The following NTM variants were observed in gnomAD, a reference collection of about 807,000 sequenced individuals.
NTM encodes the protein neurotrimin.
A neutral mutation model predicts 42.1 loss-of-function variants in NTM; 13 were observed. That is an observed-to-expected ratio of 0.31 (90% CI 0.20 to 0.49). NTM has a LOEUF of 0.49. Ranked by LOEUF, NTM falls within the 20% of genes least tolerant of loss-of-function variation. NTM has a pLI of 0.99. For missense variants in NTM, 373 were observed against 452.8 expected (o/e 0.82, Z 1.60); for synonymous variants, 187 against 179.2 (o/e 1.04, Z -0.35).
chr11:131,867,441 A>G (rs1488342525), intron 1 of NTM, among the ~76,000 whole-genome samples: 1 of 151,416 alleles, frequency 6.6e-6, no homozygotes, highest in Non-Finnish European at 1.5e-5. Context: ...GTGAATAACC[A>G]TATGTGTATG....
At position 131,424,600 on chromosome 11, in the gene NTM, C is replaced by CTTTTTTTTTTTTT. The variant is rs769740331; in HGVS notation, c.82+53718_82+53730dup. Among the ~76,000 whole-genome samples the CTTTTTTTTTTTTT allele has an allele frequency of 1.4e-3, 81 of 56,014 alleles. 6 individuals are homozygous for CTTTTTTTTTTTTT. Among genetic ancestry groups the CTTTTTTTTTTTTT allele is most frequent in the African/African-American group, 3.9e-3 (53 of 13,738 alleles). 36.7% of individuals were successfully genotyped at this position (56,014 alleles called of 152,430 possible). A position where few individuals can be genotyped will look rare whatever the true frequency, so the allele number is the denominator to read the frequency against. ...AGTTGTTTTTTATTTCTTTTCTTTTCTTTTTTTTTTTTTTTTTTGGCGCAA... is the reference window on the plus strand; with the variant it reads ...AGTTGTTTTTTATTTCTTTTCTTTTCTTTTTTTTTTTTTTTTTTTTTTTTTTTTTTTGGCGCAA... On this transcript the variant is annotated intron_variant, in intron 1 of 8. Transcript: ENST00000683400.
At chr11:131,411,101 G>A (rs1208342378) in intron 1 of NTM, among the ~76,000 whole-genome samples, 1 of 152,112 alleles carries the variant, frequency 6.6e-6, no homozygotes, top group African/African-American at 2.4e-5. Flanking sequence ...TTCCCACCTG[G>A]CAAATCCCTC....
At chr11:132,199,710 C>G (rs1316398685) in intron 3 of NTM, among the ~76,000 whole-genome samples, 2 of 152,054 alleles carry the variant, frequency 1.3e-5, no homozygotes, top group Non-Finnish European at 2.9e-5. Flanking sequence ...TCCCAACTTG[C>G]CCTTTTTGAT....
rs11223000 is a variant in NTM at position 132,290,335 on chromosome 11, C to T, written c.527-17354C>T. On this transcript the variant is annotated intron_variant, in intron 4 of 8. Transcript: ENST00000683400. ...GAGCAGACATCTCCCACTGCCCTGC[C>T]CTTGGTAAATCACTGATATGGGGAA... 1.1e-3 allele frequency among the ~76,000 whole-genome samples: 165 copies of T among 151,978 alleles called. 4 individuals are homozygous for T. The East Asian group carries it at 0.021, about 19-fold the overall frequency.
At chr11:131,439,361 A>T (rs1180045825) in intron 1 of NTM, among the ~76,000 whole-genome samples, 1 of 152,216 alleles carries the variant, frequency 6.6e-6, no homozygotes, top group African/African-American at 2.4e-5. Context: ...AGGGTTGTTT[A>T]AGTCTGCAGA....
Position 131,669,275 on chromosome 11 carries a change from T to C in NTM, c.83-242289T>C, listed in dbSNP as rs1007903184. 5.9e-5 allele frequency among the ~76,000 whole-genome samples: 9 copies of C among 151,758 alleles called. No homozygotes were observed. The East Asian group carries it at 7.7e-4, about 13-fold the overall frequency. ...TCAGAGATCAAAACCATGGAGGAAA[T>C]AGAGGTTAAGAGGTCAGGCTCTGGA... On this transcript the variant is annotated intron_variant, in intron 1 of 8. Coordinates refer to ENST00000683400, the MANE Select transcript of NTM (RefSeq NM_001352005.2).
At chr11:132,323,669 C>T (rs1169872439) in intron 7 of NTM, among the ~76,000 whole-genome samples, 1 of 152,162 alleles carries the variant, frequency 6.6e-6, no homozygotes, top group Non-Finnish European at 1.5e-5. Flanking sequence ...CTCCCTAACT[C>T]ATTTTATGAG....
At chr11:132,210,647 C>T (rs1304352860) in intron 3 of NTM, among the ~76,000 whole-genome samples, 4 of 152,122 alleles carry the variant, frequency 2.6e-5, no homozygotes, top group African/African-American at 4.8e-5. Context: ...CCAAATATCA[C>T]ATGTTTACTA....
intron 1 of NTM, among the ~76,000 whole-genome samples, chr11:131,876,614 A>G (rs2048574891): frequency 6.6e-6 from 1 of 152,220 alleles, no homozygotes; most frequent in Non-Finnish European, 1.5e-5. Flanking sequence ...CCAGAAGACA[A>G]CGTTTTGTTT....
At chr11:131,514,534 G>A (rs1237694519) in intron 1 of NTM, among the ~76,000 whole-genome samples, 1 of 152,076 alleles carries the variant, frequency 6.6e-6, no homozygotes, top group Non-Finnish European at 1.5e-5. Context: ...ACTGTATTAT[G>A]TGTTACTTTT....
chr11:132,212,832 A>G (rs1184709224), intron 4 of NTM, among the ~76,000 whole-genome samples: 1 of 152,190 alleles, frequency 6.6e-6, no homozygotes, highest in East Asian at 1.9e-4. Flanking sequence ...AAAATATTTC[A>G]TTCTTAAATA....
intron 1 of NTM, among the ~76,000 whole-genome samples, chr11:131,579,703 T>C (rs1158465642): frequency 6.6e-6 from 1 of 152,154 alleles, no homozygotes; most frequent in South Asian, 2.1e-4. Context: ...GGAAGAGAAC[T>C]TTTACATCCA....
chr11:132,295,827 C>A (rs183175593), intron 4 of NTM, among the ~76,000 whole-genome samples: 8 of 152,180 alleles, frequency 5.3e-5, no homozygotes, highest in Non-Finnish European at 1.0e-4. Flanking sequence ...GTGGGACTGA[C>A]TCTTATTTTT....
chr11:131,628,376 T>C (rs1001224318), intron 1 of NTM, among the ~76,000 whole-genome samples: 1 of 152,258 alleles, frequency 6.6e-6, no homozygotes, highest in Non-Finnish European at 1.5e-5. Flanking sequence ...CCCGGCCCAG[T>C]ATTTGGCATG....
At chr11:131,591,805 G>A (rs1396743768) in intron 1 of NTM, among the ~76,000 whole-genome samples, 1 of 152,202 alleles carries the variant, frequency 6.6e-6, no homozygotes, top group Non-Finnish European at 1.5e-5. Flanking sequence ...TGGGAAGGGG[G>A]CAGTTCATTC....
In NTM at chr11:131,985,157, A is replaced by G. The variant is rs192441235; in HGVS notation, c.167+73509A>G. ...CGGTGTAAACAAAGAGGAGTAATCA[A>G]TCCCAGAAACGCTTTGGCTCTTTCT... On this transcript the variant is annotated intron_variant, in intron 2 of 8. Coordinates refer to ENST00000683400, the MANE Select transcript of NTM (RefSeq NM_001352005.2). Among the ~76,000 whole-genome samples the G allele has an allele frequency of 3.3e-5, 5 of 152,280 alleles. No individual in the cohort carries two copies. The South Asian group carries it at 6.2e-4, about 19-fold the overall frequency.
intron 1 of NTM, among the ~76,000 whole-genome samples, chr11:131,801,620 CT>C (rs56937578): frequency 0.044 from 6,641 of 152,162 alleles, 477 homozygotes; most frequent in African/African-American, 0.15. Context: ...ATGTAGACCC[CT>C]TTTTTTCTTG....
chr11:131,911,716 GGT>G lies in NTM; in HGVS notation c.167+74_167+75del. The stretch of plus-strand genomic sequence containing the variant: ...GGTCGGGGTAAGGGGCAGGGGTGCA[GGT>G]GTGTGCACTGAGGCGTGCCTGGGTT... On this transcript the variant is annotated intron_variant, in intron 2 of 8. Coordinates refer to ENST00000683400, the MANE Select transcript of NTM (RefSeq NM_001352005.2). 5.0e-6 allele frequency: 8 copies of G among 1,594,420 alleles called. No homozygotes were observed. The Middle Eastern group carries it at 1.3e-3, about 266-fold the overall frequency.
At chr11:131,995,019 T>G (rs1478415811) in intron 2 of NTM, among the ~76,000 whole-genome samples, 1 of 152,212 alleles carries the variant, frequency 6.6e-6, no homozygotes, top group Non-Finnish European at 1.5e-5. Context: ...TTCAGACTGT[T>G]GTTCCCTCTT....
Sources: allele counts gnomAD v4.1 joint callset (sites outside exome capture counted in the v4.1 genomes callset), GRCh38; gene constraint gnomAD v4.1.1; transcripts MANE v1.5; gene names NCBI Gene and HGNC (gene_info 2026-07-23, HGNC 2026-07-21).